The following PSMG1 variants were observed in gnomAD, a reference collection of about 807,000 sequenced individuals.
The protein encoded by PSMG1 is proteasome assembly chaperone 1.
A neutral mutation model predicts 37.2 loss-of-function variants in PSMG1; 23 were observed. That is an observed-to-expected ratio of 0.62 (90% CI 0.44 to 0.88). The LOEUF (loss-of-function observed/expected upper bound fraction) is 0.88. Ranked by LOEUF, PSMG1 falls within the 40% of genes least tolerant of loss-of-function variation. The probability of loss-of-function intolerance (pLI) is 0.00; values close to 1 mark genes in which losing one functional copy is unlikely to be tolerated. For synonymous variants in PSMG1, 127 were observed against 128.0 expected (o/e 0.99, Z 0.05); for missense variants, 340 against 344.2 (o/e 0.99, Z 0.10).
intron 1 of PSMG1, chr21:39,182,955 A>C: frequency 2.9e-6 from 1 of 347,294 alleles, no homozygotes; most frequent in Non-Finnish European, 5.2e-6. Flanking sequence ...AATGCTCCAG[A>C]AACGCTCCAG....
intron 2 of PSMG1, among the ~76,000 whole-genome samples, chr21:39,180,703 C>T (rs1388882705): frequency 1.3e-5 from 2 of 152,124 alleles, no homozygotes; most frequent in Non-Finnish European, 2.9e-5. Flanking sequence ...CGGGGTAATA[C>T]TCTTCTGAAA....
chr21:39,175,561 T>C lies in PSMG1; in HGVS notation c.*29A>G. On this transcript the variant is annotated 3_prime_UTR_variant, in exon 7 of 7. Transcript: ENST00000331573. ...TGCTCCCCTTAAAGGAATGGACAAG[T>C]AATATACACTACAAAACAATGTTTA... 6.3e-7 allele frequency: 1 copy of C among 1,579,678 alleles called. No individual in the cohort carries two copies. Among genetic ancestry groups the C allele is most frequent in the Non-Finnish European group, 8.7e-7 (1 of 1,150,830 alleles).
chr21:39,181,907 G>C (rs529818441), intron 1 of PSMG1, 29 bp from the exon 2 acceptor site: 2 of 1,498,448 alleles, frequency 1.3e-6, no homozygotes, highest in South Asian at 1.3e-5. Context: ...TGAAACTAAA[G>C]CAACTTCAAT....
At chr21:39,180,258 C>T in intron 3 of PSMG1, 27 bp downstream of exon 3, 1 of 1,564,892 alleles carries the variant, frequency 6.4e-7, no homozygotes, top group Non-Finnish European at 8.6e-7. Flanking sequence ...TAAATAACTG[C>T]TTTTCAAACA....
intron 1 of PSMG1, among the ~76,000 whole-genome samples, chr21:39,182,185 G>A (rs1172182169): frequency 3.9e-5 from 6 of 152,210 alleles, no homozygotes; most frequent in Non-Finnish European, 1.5e-5. Flanking sequence ...GCACCACTTA[G>A]TAGAAGCATT....
At chr21:39,180,817 T>C (rs903144219) in intron 2 of PSMG1, among the ~76,000 whole-genome samples, 1 of 152,176 alleles carries the variant, frequency 6.6e-6, no homozygotes, top group Admixed American at 6.5e-5. Flanking sequence ...GAGGAAGGGA[T>C]CTTAACTGGG....
At chr21:39,183,220 G>A (rs749621024) in intron 1 of PSMG1, 32 bp downstream of exon 1, 5 of 1,539,884 alleles carry the variant, frequency 3.2e-6, no homozygotes, top group Non-Finnish European at 4.4e-6. Context: ...TCCAGCTGCG[G>A]TGAGCGCGCT....
At chr21:39,183,048 C>T in intron 1 of PSMG1, 1 of 599,270 alleles carries the variant, frequency 1.7e-6, no homozygotes, top group Non-Finnish European at 2.7e-6. Context: ...CAGATCCACG[C>T]GAGAACCACA....
chr21:39,179,916 T>A lies in PSMG1; in HGVS notation c.456+8A>T. 2 of 1,612,074 alleles carry A rather than the reference T, an allele frequency of 1.2e-6. No individual in the cohort carries two copies. The highest frequency in any genetic ancestry group is 2.2e-5 in the South Asian group (2 of 91,038). ...CTAACCATTCACAGGTTTTCATTTC[T>A]CTCTTACCTTTTCCAGCCACTGATA... On this transcript the variant is annotated splice_region_variant and intron_variant, in intron 4 of 6. Transcript: ENST00000331573.
At chr21:39,183,122 C>T in intron 1 of PSMG1, 130 bp downstream of exon 1, 1 of 1,211,418 alleles carries the variant, frequency 8.3e-7, no homozygotes, top group Non-Finnish European at 1.1e-6. Context: ...CAAGCAGAGC[C>T]AAGGAGCGGC....
chr21:39,177,362 A>G (rs911428457), intron 6 of PSMG1, 73 bp downstream of exon 6: 4 of 1,339,178 alleles, frequency 3.0e-6, no homozygotes, highest in East Asian at 2.6e-5. Flanking sequence ...TTAAAATGAC[A>G]GTATACATTT....
At chr21:39,180,967 G>A (rs1314732803) in intron 2 of PSMG1, among the ~76,000 whole-genome samples, 1 of 151,634 alleles carries the variant, frequency 6.6e-6, no homozygotes, top group East Asian at 1.9e-4. Context: ...TACATGCAAG[G>A]ACCTTAAAAC....
In PSMG1 at chr21:39,177,499, T is replaced by C; in HGVS notation, c.728A>G (p.Asp243Gly). Residue 243 changes from aspartate to glycine, a missense_variant, in exon 6 of 7, where the codon GAC becomes GGC. Transcript: ENST00000331573. ...YLCYTDVMKLDLITVEAFKPI... is the reference protein window; with the variant it reads ...YLCYTDVMKLGLITVEAFKPI... ...CTTAAAAGCTTCCACTGTGATTAGG[T>C]CTAATTTCATCACATCAGTATAACA... 2 of 1,609,010 alleles carry C rather than the reference T, an allele frequency of 1.2e-6. No individual in the cohort carries two copies. Among genetic ancestry groups the C allele is most frequent in the Non-Finnish European group, 1.7e-6 (2 of 1,177,526 alleles).
chr21:39,178,094 T>C (rs1242464475), intron 5 of PSMG1, among the ~76,000 whole-genome samples: 2 of 152,214 alleles, frequency 1.3e-5, no homozygotes, highest in Non-Finnish European at 1.5e-5. Context: ...ACTATCAAGA[T>C]TCAATATTCA....
rs754693099 is a variant in PSMG1, at chr21:39,180,271, C to A, written c.393+14G>T. 6 of 1,582,488 alleles carry A rather than the reference C, an allele frequency of 3.8e-6. No individual in the cohort carries two copies. The highest frequency in any genetic ancestry group is 4.3e-6 in the Non-Finnish European group (5 of 1,166,994). On this transcript the variant is annotated intron_variant, in intron 3 of 6. Coordinates refer to ENST00000331573, the MANE Select transcript of PSMG1 (RefSeq NM_003720.4). ...CTTAAATAACTGCTTTTCAAACATA[C>A]AAGTCCCACCTACCGAGGGATTGGA...
chr21:39,181,480 G>A (rs1346239274), intron 2 of PSMG1, among the ~76,000 whole-genome samples: 3 of 151,698 alleles, frequency 2.0e-5, no homozygotes, highest in Non-Finnish European at 4.4e-5. Context: ...TGCAGACCAG[G>A]TGCTGTGGCT....
Position 39,183,082 on chromosome 21 carries a change from G to A in PSMG1, c.134+170C>T, listed in dbSNP as rs933579355. On this transcript the variant is annotated intron_variant, in intron 1 of 6. Transcript: ENST00000331573. The stretch of plus-strand genomic sequence containing the variant: ...CACACACCTGGGGCTGGCGCCGCTG[G>A]ACGCCGCGGCTTCACGGAGACCCAG... 14 of 843,976 alleles carry A rather than the reference G, an allele frequency of 1.7e-5. No individual in the cohort carries two copies. In the African/African-American group the frequency reaches 2.3e-4, roughly 14 times the overall value. 52.3% of individuals were successfully genotyped at this position (843,976 alleles called of 1,614,324 possible).
chr21:39,176,902 A>G (rs2030644168), intron 6 of PSMG1, among the ~76,000 whole-genome samples: 1 of 152,244 alleles, frequency 6.6e-6, no homozygotes, highest in Non-Finnish European at 1.5e-5. Context: ...AAAACAATGG[A>G]ATCCCTAAAC....
rs1393342058 is a variant in PSMG1 at position 39,176,905 on chromosome 21, C to T, written c.792+530G>A. ...GTCTCTTAAGAGAAAACAATGGAAT[C>T]CCTAAACTACCTGAGATTACAGGCA... On this transcript the variant is annotated intron_variant, in intron 6 of 6. Transcript: ENST00000331573. Among the ~76,000 whole-genome samples the T allele has an allele frequency of 2.6e-5, 4 of 152,332 alleles. No homozygotes were observed. In the East Asian group the frequency reaches 7.7e-4, roughly 29 times the overall value.
Sources: allele counts gnomAD v4.1 joint callset (sites outside exome capture counted in the v4.1 genomes callset), GRCh38; gene constraint gnomAD v4.1.1; transcripts MANE v1.5; gene names NCBI Gene and HGNC (gene_info 2026-07-23, HGNC 2026-07-21).